Variants in SMARCC1 observed in about 807,000 individuals in gnomAD.
SMARCC1 encodes SWI/SNF related BAF chromatin remodeling complex subunit C1.
SMARCC1 carries 43 observed loss-of-function variants against 147.4 expected under a neutral mutation model. The ratio of observed to expected loss-of-function variants is 0.29; its 90% CI spans 0.23 to 0.38. The LOEUF is 0.38. SMARCC1 is among the 10% of genes least tolerant of loss of function. SMARCC1 has a pLI of 1.00. For synonymous variants in SMARCC1, 495 were observed against 484.4 expected (o/e 1.02, Z -0.29); for missense variants, 1,119 against 1,381.1 (o/e 0.81, Z 3.01).
chr3:47,747,488 T>TATAAATATAAATATAAATATAAATA (rs1576429585), intron 2 of SMARCC1, among the ~76,000 whole-genome samples: 1 of 149,520 alleles, frequency 6.7e-6, no homozygotes, highest in African/African-American at 2.4e-5. Flanking sequence ...AATATAAAAA[T>TATAAATATAAATATAAATATAAATA]TAGCCAGGCA....
rs1470725159 is a variant in SMARCC1 at position 47,781,739 on chromosome 3, C to A, written c.59G>T (p.Gly20Val). ...PGTAVGATGS[G>V]IAAAAAGLAV... ...TAGGCCTGCGGCTGCCGCCGCAATCCCCGAGCCCGTGGCGCCTACCGCTGT... is the reference window on the plus strand; with the variant it reads ...TAGGCCTGCGGCTGCCGCCGCAATCACCGAGCCCGTGGCGCCTACCGCTGT... Residue 20 changes from glycine (G) to valine (V), a missense_variant, in exon 1 of 28, where the codon GGG (glycine) becomes GTG (valine). Physicochemically the swap from Gly to Val is moderately radical, Grantham distance 109. This residue lies in a region of SMARCC1 where 542 missense variants were observed against 611.8 expected (regional missense o/e 0.89). Coordinates refer to ENST00000254480, the MANE Select transcript of SMARCC1 (RefSeq NM_003074.4). The A allele has an allele frequency of 6.4e-7, 1 of 1,550,954 alleles. No individual in the cohort carries two copies. The highest frequency in any genetic ancestry group is 1.4e-5 in the African/African-American group (1 of 70,244).
chr3:47,637,336 C>A (rs1005519599), intron 22 of SMARCC1, among the ~76,000 whole-genome samples: 1 of 152,176 alleles, frequency 6.6e-6, no homozygotes, highest in Non-Finnish European at 1.5e-5. Context: ...CACATATAAT[C>A]AAGACCTTCA....
intron 14 of SMARCC1, among the ~76,000 whole-genome samples, chr3:47,683,281 C>T (rs1359247894): frequency 2.0e-5 from 3 of 151,800 alleles, no homozygotes; most frequent in East Asian, 2.0e-4. Context: ...CTCCTGACCT[C>T]GTGATCCACC....
chr3:47,723,178 G>A (rs1267210248), intron 6 of SMARCC1, among the ~76,000 whole-genome samples: 1 of 151,972 alleles, frequency 6.6e-6, no homozygotes, highest in Admixed American at 6.6e-5. Flanking sequence ...CCTCAAAAGG[G>A]CAATCTCTCC....
intron 2 of SMARCC1, among the ~76,000 whole-genome samples, chr3:47,763,653 G>GA (rs996023019): frequency 3.3e-5 from 5 of 150,270 alleles, no homozygotes; most frequent in Admixed American, 2.7e-4. Context: ...TTTTTTTTAA[G>GA]AAAAAAAATA....
intron 25 of SMARCC1, among the ~76,000 whole-genome samples, chr3:47,618,076 C>G (rs1343513438): frequency 6.6e-6 from 1 of 152,000 alleles, no homozygotes; most frequent in African/African-American, 2.4e-5. Context: ...ACAGCTGACA[C>G]CAAATGCTGA....
At chr3:47,666,820 T>A (rs2033426371) in intron 19 of SMARCC1, among the ~76,000 whole-genome samples, 1 of 152,198 alleles carries the variant, frequency 6.6e-6, no homozygotes, top group Non-Finnish European at 1.5e-5. Flanking sequence ...AGATTGGACA[T>A]CTCTGTCCTT....
chr3:47,639,715 A>AAACCAACCAACCAACC (rs58771135), intron 21 of SMARCC1, among the ~76,000 whole-genome samples: 13 of 148,282 alleles, frequency 8.8e-5, no homozygotes, highest in East Asian at 2.0e-4. Context: ...CTACATCTCA[A>AAACCAACCAACCAACC]AACCAACCAA....
chr3:47,612,255 T>A (rs891109873), intron 25 of SMARCC1, among the ~76,000 whole-genome samples: 1 of 152,216 alleles, frequency 6.6e-6, no homozygotes, highest in Non-Finnish European at 1.5e-5. Flanking sequence ...TGGCTACAGA[T>A]CCTTGGTTTT....
intron 16 of SMARCC1, among the ~76,000 whole-genome samples, chr3:47,676,992 C>T (rs1216103812): frequency 6.6e-6 from 1 of 152,170 alleles, no homozygotes; most frequent in African/African-American, 2.4e-5. Context: ...CACCCCCAAA[C>T]CTATTACAAA....
chr3:47,709,435 C>T (rs1246267614), intron 9 of SMARCC1, among the ~76,000 whole-genome samples: 5 of 152,068 alleles, frequency 3.3e-5, no homozygotes, highest in African/African-American at 1.2e-4. Flanking sequence ...CCTGTAATCC[C>T]AGCACTTTGA....
chr3:47,617,704 C>T (rs1443243548), intron 25 of SMARCC1, among the ~76,000 whole-genome samples: 2 of 152,176 alleles, frequency 1.3e-5, no homozygotes, highest in Non-Finnish European at 2.9e-5. Flanking sequence ...TAATTATACA[C>T]AAAATGAGCG....
At chr3:47,590,876 A>C (rs778328563) in intron 26 of SMARCC1, 39 bp from the exon 27 acceptor site, 26 of 1,544,896 alleles carry the variant, frequency 1.7e-5, no homozygotes, top group Admixed American at 1.0e-4. Flanking sequence ...GTATACTAGA[A>C]AGGGGTGTAA....
chr3:47,608,849 TAA>T lies in SMARCC1; in HGVS notation c.3043+1215_3043+1216del, dbSNP rs35698988. Among the ~76,000 whole-genome samples, 427 of 86,858 alleles carry T rather than the reference TAA, an allele frequency of 4.9e-3. 3 individuals are homozygous for T. The highest frequency in any genetic ancestry group is 0.037 in the East Asian group (105 of 2,808). 57.0% of individuals were successfully genotyped at this position (86,858 alleles called of 152,430 possible). ...AGACAACAGAGCGAGACAGTGTCTT[TAA>T]AAAAAAAAAAAAAAAAAAAAAAAGT... On this transcript the variant is annotated intron_variant, in intron 26 of 27. Transcript: ENST00000254480.
chr3:47,769,504 G>A (rs925055218), intron 2 of SMARCC1, among the ~76,000 whole-genome samples: 1 of 151,904 alleles, frequency 6.6e-6, no homozygotes, highest in East Asian at 2.0e-4. Flanking sequence ...TGGGATTACA[G>A]GCATGAGCCA....
chr3:47,772,561 G>A (rs1447079806), intron 2 of SMARCC1, among the ~76,000 whole-genome samples: 1 of 152,124 alleles, frequency 6.6e-6, no homozygotes, highest in Non-Finnish European at 1.5e-5. Context: ...CGAGAGGATA[G>A]GGAACTGCAA....
chr3:47,671,190 A>AAAAAAAAAAAAC (rs1559640688), intron 18 of SMARCC1, among the ~76,000 whole-genome samples: 5 of 145,148 alleles, frequency 3.4e-5, no homozygotes, highest in African/African-American at 7.9e-5. Context: ...AAAAAAAAAA[A>AAAAAAAAAAAAC]AAAAAAAACA....
At chr3:47,657,744 C>T (rs1214507566) in intron 21 of SMARCC1, among the ~76,000 whole-genome samples, 4 of 151,696 alleles carry the variant, frequency 2.6e-5, no homozygotes, top group African/African-American at 9.7e-5. Flanking sequence ...ACCTGGGAGG[C>T]AGAGGTTGCA....
intron 24 of SMARCC1, among the ~76,000 whole-genome samples, chr3:47,624,987 G>C (rs2032787970): frequency 6.6e-6 from 1 of 150,626 alleles, no homozygotes; most frequent in Non-Finnish European, 1.5e-5. Flanking sequence ...CCAAGATTGC[G>C]CCACAGCACT....
Sources: allele counts gnomAD v4.1 joint callset (sites outside exome capture counted in the v4.1 genomes callset), GRCh38; gene constraint gnomAD v4.1.1; regional missense constraint gnomAD v4.1.1; transcripts MANE v1.5; gene names NCBI Gene and HGNC (gene_info 2026-07-23, HGNC 2026-07-21).